The following NHS variants were observed in gnomAD, a reference collection of about 807,000 sequenced individuals.
NHS encodes actin remodeling regulator NHS.
Under a neutral mutation model 72.5 loss-of-function variants are expected in NHS, and 5 were observed. The observed-to-expected ratio is 0.07, with a 90% confidence interval of 0.04 to 0.14. NHS has a LOEUF of 0.14. Ranked by LOEUF, NHS falls within the 10% of genes least tolerant of loss-of-function variation. The pLI, the probability that NHS is intolerant of heterozygous loss-of-function variation, is 1.00. For missense variants in NHS, 1,072 were observed against 1,355.7 expected, an observed-to-expected ratio of 0.79 and a Z score of 3.29; for synonymous variants, 464 against 547.7, an observed-to-expected ratio of 0.85 and a Z score of 2.13.
At chrX:17,665,573 C>T (rs906224850) in intron 1 of NHS, among the ~76,000 whole-genome samples, 31 of 110,163 alleles carry the variant, frequency 2.8e-4, no homozygotes, top group Non-Finnish European at 4.0e-4. Flanking sequence ...GTGATCCACC[C>T]GCCTCGGCCT....
intron 1 of NHS, among the ~76,000 whole-genome samples, chrX:17,644,199 G>T (rs1056978554): frequency 2.7e-5 from 3 of 111,986 alleles, no homozygotes; most frequent in African/African-American, 9.7e-5. Flanking sequence ...GGCCAAAAAT[G>T]CCACCTGTTG....
intron 1 of NHS, among the ~76,000 whole-genome samples, chrX:17,465,944 G>C (rs991469293): frequency 1.8e-5 from 2 of 112,779 alleles, no homozygotes; most frequent in Non-Finnish European, 3.7e-5. Context: ...GCCTACCTTC[G>C]TTATATAACG....
chrX:17,517,587 C>A, intron 1 of NHS, among the ~76,000 whole-genome samples: 1 of 111,554 alleles, frequency 9.0e-6, no homozygotes, highest in Admixed American at 9.5e-5. Context: ...TCAAGTTGGG[C>A]TGCTATCTGC....
Position 17,733,130 on chromosome X carries a change from G to A in NHS, c.*666G>A, listed in dbSNP as rs1317626511. On this transcript the variant is annotated 3_prime_UTR_variant, in exon 9 of 9. Coordinates refer to ENST00000676302, the MANE Select transcript of NHS (RefSeq NM_001291867.2). ...AAACCTCAAATATGAATTTTAAACT[G>A]GTGAACTAAAGGAAATCTTGAGGTC... 1 of 112,737 alleles carries A rather than the reference G, an allele frequency of 8.9e-6. No homozygotes were observed. The highest frequency in any genetic ancestry group is 1.9e-5 in the Non-Finnish European group (1 of 53,645). The allele number at this position is 112,737 out of a possible 1,213,427, so 9.3% of individuals were successfully genotyped here. A position where few individuals can be genotyped will look rare whatever the true frequency, so the allele number is the denominator to read the frequency against.
chrX:17,553,296 G>A (rs777522950), intron 1 of NHS, among the ~76,000 whole-genome samples: 1 of 112,953 alleles, frequency 8.9e-6, no homozygotes, highest in Non-Finnish European at 1.9e-5. Flanking sequence ...AGTGGGAGGT[G>A]TGGAGAGCTG....
At chrX:17,665,405 C>T (rs970592353) in intron 1 of NHS, among the ~76,000 whole-genome samples, 112 of 96,864 alleles carry the variant, frequency 1.2e-3, no homozygotes, top group Non-Finnish European at 1.8e-3. Flanking sequence ...CGGCTCACTG[C>T]AGGCTCCGCC....
intron 1 of NHS, among the ~76,000 whole-genome samples, chrX:17,562,994 C>T (rs1364261388): frequency 3.6e-5 from 4 of 112,038 alleles, no homozygotes; most frequent in African/African-American, 1.3e-4. Context: ...TGGGTAGTGA[C>T]TCCCCAACAA....
chrX:17,536,404 C>T (rs749044701), intron 1 of NHS, among the ~76,000 whole-genome samples: 17 of 112,561 alleles, frequency 1.5e-4, no homozygotes, highest in Middle Eastern at 4.6e-3. Flanking sequence ...AACTTGCATT[C>T]GGACCTATGT....
intron 1 of NHS, among the ~76,000 whole-genome samples, chrX:17,589,182 G>GT (rs1471799255): frequency 9.0e-6 from 1 of 111,630 alleles, no homozygotes; most frequent in Non-Finnish European, 1.9e-5. Flanking sequence ...ATTTCCATAG[G>GT]TTTTTGGGGA....
At chrX:17,705,791 A>G (rs930852623) in intron 3 of NHS, 5 of 112,421 alleles carry the variant, frequency 4.4e-5, no homozygotes, top group African/African-American at 1.6e-4. Flanking sequence ...CTTCTGTGAG[A>G]GACCCTTGTC....
chrX:17,582,661 G>T (rs189151375), intron 1 of NHS, among the ~76,000 whole-genome samples: 1 of 112,385 alleles, frequency 8.9e-6, no homozygotes, highest in African/African-American at 3.2e-5. Context: ...TGCATGGTGT[G>T]TTTCCCCACA....
intron 1 of NHS, among the ~76,000 whole-genome samples, chrX:17,648,853 T>G (rs1263957503): frequency 8.9e-6 from 1 of 112,347 alleles, no homozygotes; most frequent in East Asian, 2.8e-4. Context: ...CTTGGGCAAG[T>G]TATTTAACCT....
intron 1 of NHS, among the ~76,000 whole-genome samples, chrX:17,581,115 G>A (rs2065541578): frequency 1.8e-5 from 2 of 112,008 alleles, no homozygotes; most frequent in African/African-American, 3.2e-5. Context: ...TGATCTCAAG[G>A]CTGTGACTCT....
intron 1 of NHS, among the ~76,000 whole-genome samples, chrX:17,385,444 G>A (rs999186797): frequency 8.9e-6 from 1 of 111,921 alleles, no homozygotes; most frequent in Non-Finnish European, 1.9e-5. Context: ...AATCAAGGAG[G>A]TGGAGGTTGC....
rs774771955 is a variant in NHS, at chrX:17,687,733, G to A, written c.566-9G>A. ...ACTGATGGACAACGCCCTGTTTCTT[G>A]TCTTGCAGCCGTCTCCAACCTGGAC... On this transcript the variant is annotated splice_polypyrimidine_tract_variant and intron_variant, in intron 1 of 8. Transcript: ENST00000676302. 4 of 1,183,379 alleles carry A rather than the reference G, an allele frequency of 3.4e-6. No individual in the cohort carries two copies. The highest frequency in any genetic ancestry group is 1.8e-5 in the South Asian group (1 of 56,075).
chrX:17,719,510 C>G lies in NHS; in HGVS notation c.915+104C>G, dbSNP rs1313180280. 3 of 625,681 alleles carry G rather than the reference C, an allele frequency of 4.8e-6. No individual in the cohort carries two copies. The African/African-American group carries it at 6.9e-5, about 14-fold the overall frequency. 51.6% of individuals were successfully genotyped at this position (625,681 alleles called of 1,213,427 possible). On this transcript the variant is annotated intron_variant, in intron 4 of 8. Transcript: ENST00000676302. ...TTATGGAAAACTTTCTTGTTTCTAA[C>G]TAACGGTTTTTCTTTAAAATCAATT...
rs747765351 is a variant in NHS at position 17,733,959 on chromosome X, C to T, written c.*1495C>T. 1 of 112,197 alleles carries T rather than the reference C, an allele frequency of 8.9e-6. No individual in the cohort carries two copies. Among genetic ancestry groups the T allele is most frequent in the Admixed American group, 9.5e-5 (1 of 10,534 alleles). 9.2% of individuals were successfully genotyped at this position (112,197 alleles called of 1,213,427 possible). ...AAACTGAAAAAAAAATGTAGTTACA[C>T]GTTAAAATCTGCAAATGGTTTTTAC... is the stretch of plus-strand genomic sequence containing the variant. On this transcript the variant is annotated 3_prime_UTR_variant, in exon 9 of 9. Transcript: ENST00000676302.
At chrX:17,501,526 G>A (rs766972789) in intron 1 of NHS, among the ~76,000 whole-genome samples, 10 of 111,884 alleles carry the variant, frequency 8.9e-5, no homozygotes, top group Non-Finnish European at 1.9e-4. Flanking sequence ...CTTGAGCCCA[G>A]GAGTTTGAGA....
In NHS at chrX:17,375,624, C is replaced by T. The variant is rs948441582; in HGVS notation, c.-134C>T. 8.2e-6 allele frequency: 5 copies of T among 607,427 alleles called. No individual in the cohort carries two copies. Among genetic ancestry groups the T allele is most frequent in the Non-Finnish European group, 1.3e-5 (5 of 386,341 alleles). 50.1% of individuals were successfully genotyped at this position (607,427 alleles called of 1,213,427 possible). On this transcript the variant is annotated 5_prime_UTR_variant, in exon 1 of 9. Transcript: ENST00000676302. ...GAGGAGGCAAGGTGAGCAGAGAAGC[C>T]CCCTGCGTATCCGGACTGCCAGATC...
Sources: allele counts gnomAD v4.1 joint callset (sites outside exome capture counted in the v4.1 genomes callset), GRCh38; gene constraint gnomAD v4.1.1; transcripts MANE v1.5; gene names NCBI Gene and HGNC (gene_info 2026-07-23, HGNC 2026-07-21).